GNAL: variants seen among roughly 807,000 people sequenced by gnomAD.
GNAL encodes G protein subunit alpha L.
A neutral mutation model predicts 55.1 loss-of-function variants in GNAL; 18 were observed. The ratio of observed to expected loss-of-function variants is 0.33; its 90% CI spans 0.23 to 0.48. The LOEUF (loss-of-function observed/expected upper bound fraction) is 0.48, where lower values mean the gene tolerates loss of function less well. Among genes scored for constraint, GNAL ranks in the 20% least tolerant of loss-of-function variants. The pLI is 0.99. For synonymous variants in GNAL, 253 were observed against 237.0 expected (o/e 1.07, Z -0.62); for missense variants, 412 against 614.1 (o/e 0.67, Z 3.48).
chr18:11,832,591 C>T (rs12607391), intron 5 of GNAL, among the ~76,000 whole-genome samples: 20,387 of 152,200 alleles, frequency 0.13, 1,625 homozygotes, highest in East Asian at 0.37. Flanking sequence ...GGCGCGGTGG[C>T]TCACACCCGT....
chr18:11,870,174 CTCTATA>C (rs1201677259), intron 9 of GNAL, among the ~76,000 whole-genome samples: 3 of 152,184 alleles, frequency 2.0e-5, no homozygotes, highest in Non-Finnish European at 2.9e-5. Context: ...CAAGGGATGA[CTCTATA>C]TCTAGGGTTC....
chr18:11,702,866 C>T (rs1429141766), intron 1 of GNAL, among the ~76,000 whole-genome samples: 2 of 152,002 alleles, frequency 1.3e-5, no homozygotes, highest in Non-Finnish European at 2.9e-5. Context: ...TCCTGCAATC[C>T]CAACACTTTG....
chr18:11,733,202 G>A (rs1396155767), intron 1 of GNAL, among the ~76,000 whole-genome samples: 1 of 152,240 alleles, frequency 6.6e-6, no homozygotes, highest in African/African-American at 2.4e-5. Context: ...GCTGCGCCCG[G>A]GCGCGGGGAG....
Position 11,825,111 on chromosome 18 carries a change from A to C in GNAL, c.722+96A>C, listed in dbSNP as rs1450984380. The C allele has an allele frequency of 9.7e-6, 7 of 720,650 alleles. No homozygotes were observed. In the Admixed American group the frequency reaches 1.9e-4, roughly 20 times the overall value. The allele number at this position is 720,650 out of a possible 1,614,324, so 44.6% of individuals were successfully genotyped here. A position where few individuals can be genotyped will look rare whatever the true frequency, so the allele number is the denominator to read the frequency against. On this transcript the variant is annotated intron_variant, in intron 5 of 11. Coordinates refer to ENST00000334049, the MANE Select transcript of GNAL (RefSeq NM_182978.4). Reference sequence around the variant, plus strand: ...CTCAGTACTGAAGTTTCTTGAGTGCAAGGAATGAATAATTAACCTTTTATG... The same window carrying C: ...CTCAGTACTGAAGTTTCTTGAGTGCCAGGAATGAATAATTAACCTTTTATG...
intron 4 of GNAL, among the ~76,000 whole-genome samples, chr18:11,755,862 A>G (rs1267786605): frequency 2.0e-5 from 3 of 152,160 alleles, no homozygotes; most frequent in Non-Finnish European, 4.4e-5. Context: ...CCCGGTTCTC[A>G]CTGATGCTAT....
intron 1 of GNAL, among the ~76,000 whole-genome samples, chr18:11,741,129 CCTAA>C (rs1018517182): frequency 2.0e-5 from 3 of 152,114 alleles, no homozygotes; most frequent in African/African-American, 7.2e-5. Flanking sequence ...GATTAATCTG[CCTAA>C]CTGAGTGGGA....
intron 1 of GNAL, among the ~76,000 whole-genome samples, chr18:11,749,052 G>C (rs1441004284): frequency 6.6e-6 from 1 of 151,382 alleles, no homozygotes; most frequent in Non-Finnish European, 1.5e-5. Flanking sequence ...CCTGAAGCTG[G>C]GAGGCAGAGG....
intron 5 of GNAL, among the ~76,000 whole-genome samples, chr18:11,848,539 C>T (rs1480490836): frequency 6.6e-6 from 1 of 151,806 alleles, no homozygotes; most frequent in African/African-American, 2.4e-5. Flanking sequence ...TCACTGCAAC[C>T]TCCACCTTTC....
At chr18:11,691,781 T>A (rs765778481) in intron 1 of GNAL, among the ~76,000 whole-genome samples, 1 of 152,188 alleles carries the variant, frequency 6.6e-6, no homozygotes, top group Non-Finnish European at 1.5e-5. Context: ...CTTTGGAAGC[T>A]CAACCCCAGC....
intron 10 of GNAL, 104 bp downstream of exon 10, chr18:11,872,502 T>A (rs2036419789): frequency 6.5e-6 from 5 of 774,490 alleles, no homozygotes; most frequent in Non-Finnish European, 1.1e-5. Flanking sequence ...GAAATTCACT[T>A]TATTTAAATC....
At chr18:11,746,888 G>T (rs1257581003) in intron 1 of GNAL, 1 of 539,478 alleles carries the variant, frequency 1.9e-6, no homozygotes, top group South Asian at 1.4e-5. Flanking sequence ...AGGCACTCAG[G>T]CTCTGGATGA....
chr18:11,802,250 G>T (rs1359589248), intron 4 of GNAL, among the ~76,000 whole-genome samples: 1 of 152,130 alleles, frequency 6.6e-6, no homozygotes, highest in African/African-American at 2.4e-5. Flanking sequence ...TGATGACAGG[G>T]TAAGAACTGA....
Position 11,884,871 on chromosome 18 carries a change from A to C in GNAL, c.*3736A>C. 7.4e-7 allele frequency: 1 copy of C among 1,348,984 alleles called. No homozygotes were observed. Among genetic ancestry groups the C allele is most frequent in the Admixed American group, 3.0e-5 (1 of 32,878 alleles). The allele number at this position is 1,348,984 out of a possible 1,614,324, so 83.6% of individuals were successfully genotyped here. A position where few individuals can be genotyped will look rare whatever the true frequency, so the allele number is the denominator to read the frequency against. ...TGTGCCTGAGTGGAAAATGTCTGGGACACTGACCTGTCAAAACTGGCCCCT... is the reference window on the plus strand; with the variant it reads ...TGTGCCTGAGTGGAAAATGTCTGGGCCACTGACCTGTCAAAACTGGCCCCT... On this transcript the variant is annotated 3_prime_UTR_variant, in exon 12 of 12. Transcript: ENST00000334049.
chr18:11,726,842 A>G (rs1274620318), intron 1 of GNAL, among the ~76,000 whole-genome samples: 2 of 152,232 alleles, frequency 1.3e-5, no homozygotes, highest in African/African-American at 4.8e-5. Context: ...AAAATAATCA[A>G]AATGAATCCT....
intron 4 of GNAL, among the ~76,000 whole-genome samples, chr18:11,807,523 T>G (rs116092565): frequency 6.6e-6 from 1 of 152,086 alleles, no homozygotes; most frequent in African/African-American, 2.4e-5. Flanking sequence ...AGCCGGGCCG[T>G]GGGGGGAAAC....
intron 4 of GNAL, among the ~76,000 whole-genome samples, chr18:11,804,767 T>A (rs530581731): frequency 8.0e-6 from 1 of 124,270 alleles, no homozygotes; most frequent in African/African-American, 4.0e-5. Context: ...GAAGTACAGG[T>A]GCAGTTTGAG....
At chr18:11,824,266 G>GC (rs1383695663) in intron 4 of GNAL, among the ~76,000 whole-genome samples, 22 of 17,540 alleles carry the variant, frequency 1.3e-3, no homozygotes, top group Non-Finnish European at 3.5e-3. Context: ...CTGAGATGGG[G>GC]GGGGGGTTCA....
At chr18:11,793,372 T>C (rs1047021461) in intron 4 of GNAL, among the ~76,000 whole-genome samples, 2 of 151,978 alleles carry the variant, frequency 1.3e-5, no homozygotes, top group Non-Finnish European at 2.9e-5. Context: ...GCCCAGGAGT[T>C]TGAGACCAGC....
intron 5 of GNAL, chr18:11,857,018 G>A (rs1193903830): frequency 6.6e-6 from 1 of 152,228 alleles, no homozygotes; most frequent in Non-Finnish European, 1.5e-5. Flanking sequence ...TGCATGCCAT[G>A]TGGGGCTTCT....
Sources: allele counts gnomAD v4.1 joint callset (sites outside exome capture counted in the v4.1 genomes callset), GRCh38; gene constraint gnomAD v4.1.1; transcripts MANE v1.5; gene names NCBI Gene and HGNC (gene_info 2026-07-23, HGNC 2026-07-21).